TBC1D22A: variants seen among roughly 807,000 people sequenced by gnomAD.
TBC1D22A encodes the protein putative GTPase activator.
A neutral mutation model predicts 60.2 loss-of-function variants in TBC1D22A; 38 were observed. The observed-to-expected ratio is 0.63, with a 90% confidence interval of 0.49 to 0.83. The LOEUF is 0.83. Among genes scored for constraint, TBC1D22A ranks in the 40% least tolerant of loss-of-function variants. The pLI, the probability that TBC1D22A is intolerant of heterozygous loss-of-function variation, is 0.00. For synonymous variants in TBC1D22A, 302 were observed against 281.7 expected, an observed-to-expected ratio of 1.07 and a Z score of -0.72; for missense variants, 628 against 701.0, an observed-to-expected ratio of 0.90 and a Z score of 1.18.
At chr22:46,885,891 T>G (rs114813796) in intron 5 of TBC1D22A, among the ~76,000 whole-genome samples, 1 of 151,774 alleles carries the variant, frequency 6.6e-6, no homozygotes, top group Non-Finnish European at 1.5e-5. Flanking sequence ...CTGGTTATTC[T>G]TTTTGTTACT....
intron 12 of TBC1D22A, among the ~76,000 whole-genome samples, chr22:47,159,651 T>C (rs2067890755): frequency 6.6e-6 from 1 of 150,842 alleles, no homozygotes; most frequent in Non-Finnish European, 1.5e-5. Flanking sequence ...ACATACCACG[T>C]ATATACACAG....
At chr22:46,839,312 T>C (rs1045581137) in intron 4 of TBC1D22A, among the ~76,000 whole-genome samples, 16 of 150,404 alleles carry the variant, frequency 1.1e-4, no homozygotes, top group East Asian at 1.9e-4. Flanking sequence ...TCTTCTTCTT[T>C]TTTTTTTTTT....
At position 46,762,794 on chromosome 22, in the gene TBC1D22A, GC is replaced by G; in HGVS notation, c.9del (p.Ser3ArgfsTer51). The stretch of plus-strand genomic sequence containing the variant: ...GAGGGATGAGGAGGGGCCATGGCCA[GC>G]GACGGGGCCAGGAAGCAATTCTGGA... MA[S>X]DGARKQFWKR... On this transcript the variant is annotated frameshift_variant, in exon 1 of 13. Coordinates refer to ENST00000337137, the MANE Select transcript of TBC1D22A (RefSeq NM_014346.5). LOFTEE classifies it high-confidence loss of function. 1 of 1,452,006 alleles carries G rather than the reference GC, an allele frequency of 6.9e-7. No individual in the cohort carries two copies. Among genetic ancestry groups the G allele is most frequent in the South Asian group, 1.5e-5 (1 of 68,576 alleles). 89.9% of individuals were successfully genotyped at this position (1,452,006 alleles called of 1,614,324 possible). A position where few individuals can be genotyped will look rare whatever the true frequency, so the allele number is the denominator to read the frequency against.
intron 9 of TBC1D22A, among the ~76,000 whole-genome samples, chr22:46,987,550 T>C (rs1416572466): frequency 2.0e-5 from 3 of 152,238 alleles, no homozygotes; most frequent in African/African-American, 7.2e-5. Flanking sequence ...CACAAGTTTT[T>C]TGCTTTCTCA....
chr22:46,990,093 C>T lies in TBC1D22A; in HGVS notation c.1126-7541C>T, dbSNP rs929683423. On this transcript the variant is annotated intron_variant, in intron 9 of 12. Transcript: ENST00000337137. The surrounding 1 kb of genome is among the most constrained non-coding windows in gnomAD (Gnocchi z 4.6). Reference sequence around the variant, plus strand: ...TGCTGGGATTACAGATGTGCGCCACCGCGCCCGGCCGCAAAATGTAAGTTT... The same window carrying T: ...TGCTGGGATTACAGATGTGCGCCACTGCGCCCGGCCGCAAAATGTAAGTTT... 4.6e-5 allele frequency among the ~76,000 whole-genome samples: 7 copies of T among 152,218 alleles called. No individual in the cohort carries two copies. The highest frequency in any genetic ancestry group is 2.1e-4 in the South Asian group (1 of 4,832).
intron 6 of TBC1D22A, 122 bp from the exon 7 acceptor site, chr22:46,894,662 C>A: frequency 8.6e-7 from 1 of 1,169,576 alleles, no homozygotes; most frequent in Non-Finnish European, 1.3e-6. Flanking sequence ...CGAGAATCCT[C>A]AAGGAGAGAG....
intron 11 of TBC1D22A, among the ~76,000 whole-genome samples, chr22:47,082,454 C>T (rs73170431): frequency 0.093 from 14,140 of 152,170 alleles, 752 homozygotes; most frequent in Admixed American, 0.14. Context: ...AGTCAAAGGA[C>T]AGACAGGGAG....
At chr22:46,787,960 G>A (rs577121013) in intron 1 of TBC1D22A, among the ~76,000 whole-genome samples, 20 of 141,802 alleles carry the variant, frequency 1.4e-4, no homozygotes, top group African/African-American at 4.0e-4. Flanking sequence ...TTTTTGGGAC[G>A]GAGTCTTACT....
chr22:47,166,609 G>A (rs2068217984), intron 12 of TBC1D22A, among the ~76,000 whole-genome samples: 1 of 152,216 alleles, frequency 6.6e-6, no homozygotes. Context: ...GCTGGACACT[G>A]TCTCTTTTCT....
chr22:46,762,744 C>T lies in TBC1D22A; in HGVS notation c.-43C>T, dbSNP rs536882402. On this transcript the variant is annotated 5_prime_UTR_variant, in exon 1 of 13. Coordinates refer to ENST00000337137, the MANE Select transcript of TBC1D22A (RefSeq NM_014346.5). Reference sequence around the variant, plus strand: ...GGCCGCTAGGGGAGGGCCGGGTGCACTCGGGGTGTCTGGGCCGCGGGTCTG... The same window carrying T: ...GGCCGCTAGGGGAGGGCCGGGTGCATTCGGGGTGTCTGGGCCGCGGGTCTG... The T allele has an allele frequency of 5.0e-6, 7 of 1,406,682 alleles. No individual in the cohort carries two copies. The highest frequency in any genetic ancestry group is 1.5e-5 in the African/African-American group (1 of 65,338). 87.1% of individuals were successfully genotyped at this position (1,406,682 alleles called of 1,614,324 possible).
At chr22:47,118,428 G>C (rs1439651021) in intron 12 of TBC1D22A, among the ~76,000 whole-genome samples, 1 of 152,192 alleles carries the variant, frequency 6.6e-6, no homozygotes, top group Non-Finnish European at 1.5e-5. Flanking sequence ...GGGTCACAGT[G>C]GAAATGACCC....
intron 4 of TBC1D22A, among the ~76,000 whole-genome samples, chr22:46,798,442 G>C (rs11705101): frequency 3.3e-4 from 50 of 152,368 alleles, no homozygotes; most frequent in Non-Finnish European, 5.1e-4. Context: ...CCACAGGGCA[G>C]AGCACAGTCA....
At chr22:46,977,598 T>C (rs1388730881) in intron 9 of TBC1D22A, among the ~76,000 whole-genome samples, 1 of 152,222 alleles carries the variant, frequency 6.6e-6, no homozygotes, top group East Asian at 1.9e-4. Context: ...GATTGGTCTG[T>C]TCTCGCACTG....
intron 4 of TBC1D22A, among the ~76,000 whole-genome samples, chr22:46,852,053 G>T (rs60202205): frequency 0.06 from 9,114 of 152,248 alleles, 895 homozygotes; most frequent in African/African-American, 0.21. Flanking sequence ...CTGTGGTGGG[G>T]CTCAGGGGCG....
At chr22:46,936,151 G>A (rs2071638291) in intron 8 of TBC1D22A, among the ~76,000 whole-genome samples, 1 of 152,240 alleles carries the variant, frequency 6.6e-6, no homozygotes, top group African/African-American at 2.4e-5. Context: ...TGGTCACCTT[G>A]ACACTCATGG....
In TBC1D22A at chr22:47,151,222, C is replaced by T. The variant is rs551060514; in HGVS notation, c.1426-22276C>T. 8.5e-5 allele frequency among the ~76,000 whole-genome samples: 13 copies of T among 152,314 alleles called. No homozygotes were observed. In the South Asian group the frequency reaches 1.2e-3, roughly 15 times the overall value. Reference sequence around the variant, plus strand: ...GATCTGAACACACTTTTAAACGCTGCGTGGTGTGGGGTTCTGTGTGACACT... The same window carrying T: ...GATCTGAACACACTTTTAAACGCTGTGTGGTGTGGGGTTCTGTGTGACACT... On this transcript the variant is annotated intron_variant, in intron 12 of 12. Coordinates refer to ENST00000337137, the MANE Select transcript of TBC1D22A (RefSeq NM_014346.5).
intron 7 of TBC1D22A, among the ~76,000 whole-genome samples, chr22:46,910,168 T>G (rs4823585): frequency 0.56 from 84,824 of 152,050 alleles, 24,429 homozygotes; most frequent in East Asian, 0.71. Flanking sequence ...TCCACCCGCG[T>G]CTCTCAGGTG....
chr22:46,987,102 C>T (rs192270050), intron 9 of TBC1D22A, among the ~76,000 whole-genome samples: 7 of 152,290 alleles, frequency 4.6e-5, no homozygotes, highest in Non-Finnish European at 1.0e-4. Context: ...ACTCTGTCCT[C>T]AAACAAGGTG....
At chr22:47,035,144 C>T (rs115812018) in intron 10 of TBC1D22A, among the ~76,000 whole-genome samples, 2,705 of 152,338 alleles carry the variant, frequency 0.018, 66 homozygotes, top group African/African-American at 0.053. Context: ...AACTGAGTAT[C>T]TGAGGTGAGC....
Sources: gnomAD v4.1 joint callset for allele counts (sites outside exome capture counted in the v4.1 genomes callset) on GRCh38, gnomAD v4.1.1 for gene constraint, Gnocchi (gnomAD v3.1) non-coding constraint, MANE v1.5 for transcripts, NCBI Gene and HGNC (gene_info 2026-07-23, HGNC 2026-07-21) for gene names.